GRTP1: variants seen among roughly 807,000 people sequenced by gnomAD.
GRTP1 encodes the protein growth hormone-regulated TBC protein 1.
A neutral mutation model predicts 38.1 loss-of-function variants in GRTP1; 56 were observed. That is an observed-to-expected ratio of 1.47 (90% confidence interval 1.19 to 1.84). GRTP1 has a LOEUF of 1.84. Ranked by LOEUF, GRTP1 falls within the 40% of genes most tolerant of loss-of-function variation. The pLI is 0.00. For synonymous variants in GRTP1, 217 were observed against 189.5 expected (o/e 1.14, Z -1.19); for missense variants, 506 against 453.9 (o/e 1.11, Z -1.04).
intron 2 of GRTP1, among the ~76,000 whole-genome samples, chr13:113,356,561 T>C (rs1683495034): frequency 2.0e-5 from 3 of 152,104 alleles, no homozygotes; most frequent in Non-Finnish European, 4.4e-5. Flanking sequence ...CCACCACGCC[T>C]GGCCCTGCAC....
intron 5 of GRTP1, among the ~76,000 whole-genome samples, chr13:113,335,501 C>A (rs932670045): frequency 6.6e-6 from 1 of 152,086 alleles, no homozygotes. Flanking sequence ...CATTCCAAAT[C>A]TTCTCTTCTA....
Position 113,324,356 on chromosome 13 carries a change from A to G in GRTP1, c.*132T>C. On this transcript the variant is annotated 3_prime_UTR_variant, in exon 8 of 8. Transcript: ENST00000375431. ...TGATTTTAAACTGCTCTTTTAAAAA[A>G]TTCACAACTAAAGTGTAGTGATGTC... 7.7e-7 allele frequency: 1 copy of G among 1,293,804 alleles called. No individual in the cohort carries two copies. The allele number at this position is 1,293,804 out of a possible 1,614,324, so 80.1% of individuals were successfully genotyped here. A position where few individuals can be genotyped will look rare whatever the true frequency, so the allele number is the denominator to read the frequency against.
At chr13:113,346,198 G>GGACCTCTGTGGCTGAGAA (rs1566429536) in intron 4 of GRTP1, among the ~76,000 whole-genome samples, 8 of 80,916 alleles carry the variant, frequency 9.9e-5, no homozygotes, top group Admixed American at 2.6e-4. Flanking sequence ...GTGGCTGAGA[G>GGACCTCTGTGGCTGAGAA]CAGACCCGGG....
chr13:113,363,553 G>A (rs922804044), intron 2 of GRTP1, among the ~76,000 whole-genome samples: 1 of 152,150 alleles, frequency 6.6e-6, no homozygotes, highest in Non-Finnish European at 1.5e-5. Flanking sequence ...TGGGAGGGAC[G>A]GGTCTCCTTC....
At position 113,363,866 on chromosome 13, in the gene GRTP1, G is replaced by GCGT; in HGVS notation, c.74_76dup (p.Asp25dup). 6.2e-7 allele frequency: 1 copy of GCGT among 1,611,944 alleles called. No homozygotes were observed. Among genetic ancestry groups the GCGT allele is most frequent in the East Asian group, 2.2e-5 (1 of 44,644 alleles). ...GCTGGAGAAAAACTTCTCGTAGGCG[G>GCGT]CGTCGTCGAAGTCCTCAGGCCGCTC... On this transcript the variant is annotated inframe_insertion, in exon 2 of 8. Transcript: ENST00000375431.
At chr13:113,352,324 T>TATATA (rs1452220409) in intron 3 of GRTP1, among the ~76,000 whole-genome samples, 1 of 13,708 alleles carries the variant, frequency 7.3e-5, no homozygotes, top group East Asian at 2.1e-3. Context: ...TTATATATAT[T>TATATA]TTTATATATA....
intron 4 of GRTP1, among the ~76,000 whole-genome samples, chr13:113,345,997 CCCGAGA>C (rs1566428556): frequency 8.1e-5 from 12 of 147,326 alleles, no homozygotes; most frequent in South Asian, 2.2e-4. Flanking sequence ...CGAGAGTGGA[CCCGAGA>C]GGACCTCTGC....
intron 5 of GRTP1, among the ~76,000 whole-genome samples, chr13:113,338,981 T>G (rs1231620288): frequency 6.7e-6 from 1 of 149,288 alleles, no homozygotes; most frequent in Non-Finnish European, 1.5e-5. Flanking sequence ...TGGTGCAGTC[T>G]CGGCTCACTG....
Position 113,348,998 on chromosome 13 carries a change from G to A in GRTP1, c.465+1851C>T, listed in dbSNP as rs941770845. On this transcript the variant is annotated intron_variant, in intron 4 of 7. Transcript: ENST00000375431. This position sits in a 1 kb window ranked among gnomAD's most constrained non-coding sequence, Gnocchi z 4.8. ...TGCCTGTAGGTTCCAAAAGCCAGCTGTGCTCTGGCATTCTGTTAGTATGTA... is the reference window on the plus strand; with the variant it reads ...TGCCTGTAGGTTCCAAAAGCCAGCTATGCTCTGGCATTCTGTTAGTATGTA... 7.9e-5 allele frequency among the ~76,000 whole-genome samples: 12 copies of A among 152,218 alleles called. No individual in the cohort carries two copies. The highest frequency in any genetic ancestry group is 1.5e-4 in the Non-Finnish European group (10 of 68,038).
rs11838474 is a variant in GRTP1 at position 113,340,767 on chromosome 13, G to A, written c.562+4096C>T. On this transcript the variant is annotated intron_variant, in intron 5 of 7. Transcript: ENST00000375431. ...TGCACTCCAGCCTGGGCGACAGAGT[G>A]AGACTCTGTCTTGAAAAAATTAAAT... Among the ~76,000 whole-genome samples, 499 of 152,098 alleles carry A rather than the reference G, an allele frequency of 3.3e-3. 1 individual carries two copies. The highest frequency in any genetic ancestry group is 0.012 in the African/African-American group (481 of 41,500).
Position 113,347,916 on chromosome 13 carries a change from A to G in GRTP1, c.465+2933T>C, listed in dbSNP as rs548725540. On this transcript the variant is annotated intron_variant, in intron 4 of 7. Transcript: ENST00000375431. The stretch of plus-strand genomic sequence containing the variant: ...CAGACCCGGGAGGACCTCTGTGGCC[A>G]AGAACGGACCTGGGAGGACCTCTGA... Among the ~76,000 whole-genome samples, 348 of 98,502 alleles carry G rather than the reference A, an allele frequency of 3.5e-3. 6 individuals are homozygous for G. The highest frequency in any genetic ancestry group is 7.1e-3 in the Middle Eastern group (1 of 140). The allele number at this position is 98,502 out of a possible 152,430, so 64.6% of individuals were successfully genotyped here. A position where few individuals can be genotyped will look rare whatever the true frequency, so the allele number is the denominator to read the frequency against.
chr13:113,336,556 G>A (rs1455725228), intron 5 of GRTP1, among the ~76,000 whole-genome samples: 3 of 152,134 alleles, frequency 2.0e-5, no homozygotes, highest in Admixed American at 6.5e-5. Context: ...GGTTGGGGGC[G>A]AGGTGAGGGG....
chr13:113,324,725 G>C, intron 7 of GRTP1, 148 bp from the exon 8 acceptor site: 1 of 1,421,502 alleles, frequency 7.0e-7, no homozygotes, highest in South Asian at 1.5e-5. Context: ...CCCACAGATT[G>C]TCACCATCTC....
rs61192086 is a variant in GRTP1 at position 113,336,348 on chromosome 13, A to AAAAC, written c.562+8511_562+8514dup. 6.9e-4 allele frequency among the ~76,000 whole-genome samples: 103 copies of AAAAC among 149,624 alleles called. 2 individuals carry two copies. Among genetic ancestry groups the AAAAC allele is most frequent in the African/African-American group, 1.3e-3 (51 of 40,342 alleles). ...AATAGGTACTGTAAAATTTAATTAA[A>AAAAC]AAACAAACAAACATGCAAAGGGTTC... On this transcript the variant is annotated intron_variant, in intron 5 of 7. Transcript: ENST00000375431.
chr13:113,329,927 G>A (rs969776127), intron 5 of GRTP1, among the ~76,000 whole-genome samples: 4 of 152,286 alleles, frequency 2.6e-5, no homozygotes, highest in Admixed American at 1.3e-4. Context: ...GGAGCTGGGC[G>A]CCCAGGTGGG....
At chr13:113,355,131 G>A (rs1239371464) in intron 3 of GRTP1, 192 bp downstream of exon 3, 3 of 581,798 alleles carry the variant, frequency 5.2e-6, no homozygotes, top group Non-Finnish European at 6.0e-6. Context: ...AATATCTGCT[G>A]AGTGAATTAC....
Position 113,348,444 on chromosome 13 carries a change from G to T in GRTP1, c.465+2405C>A, listed in dbSNP as rs145134890. Among the ~76,000 whole-genome samples the T allele has an allele frequency of 6.6e-6, 1 of 152,116 alleles. No individual in the cohort carries two copies. The highest frequency in any genetic ancestry group is 1.5e-5 in the Non-Finnish European group (1 of 68,016). On this transcript the variant is annotated intron_variant, in intron 4 of 7. Transcript: ENST00000375431. The surrounding 1 kb of genome is among the most constrained non-coding windows in gnomAD (Gnocchi z 4.8). ...CCAGCCTGGGTGACAGAGCGAGACC[G>T]TGTGCACTGTGTAACTCTACACATA...
chr13:113,354,203 A>G (rs899249481), intron 3 of GRTP1, among the ~76,000 whole-genome samples: 8 of 152,312 alleles, frequency 5.3e-5, no homozygotes, highest in Admixed American at 5.2e-4. Flanking sequence ...ACCCTGAATC[A>G]GCGTTTCTGG....
At chr13:113,331,874 C>T (rs2042876183) in intron 5 of GRTP1, among the ~76,000 whole-genome samples, 1 of 150,838 alleles carries the variant, frequency 6.6e-6, no homozygotes, top group Non-Finnish European at 1.5e-5. Context: ...CCAGGCTGGT[C>T]TCGAATTCCT....
Sources: allele counts gnomAD v4.1 joint callset (sites outside exome capture counted in the v4.1 genomes callset), GRCh38; gene constraint gnomAD v4.1.1; non-coding constraint Gnocchi (gnomAD v3.1); transcripts MANE v1.5; gene names NCBI Gene and HGNC (gene_info 2026-07-23, HGNC 2026-07-21).